Variants in NALCN observed in about 807,000 individuals in gnomAD.
The protein encoded by NALCN is sodium leak channel, non-selective.
NALCN carries 111 observed loss-of-function variants against 225.3 expected under a neutral mutation model. The ratio of observed to expected loss-of-function variants is 0.49; its 90% CI spans 0.42 to 0.58. The LOEUF is 0.58. Among genes scored for constraint, NALCN ranks in the 20% least tolerant of loss-of-function variants. The pLI is 0.00. For missense variants in NALCN, 1,378 were observed against 2,202.4 expected, an observed-to-expected ratio of 0.63 and a Z score of 7.49; for synonymous variants, 764 against 769.0, an observed-to-expected ratio of 0.99 and a Z score of 0.11.
In NALCN at chr13:101,157,221, C is replaced by T. The variant is rs992272665; in HGVS notation, c.1840-12325G>A. Among the ~76,000 whole-genome samples, 4 of 152,198 alleles carry T rather than the reference C, an allele frequency of 2.6e-5. No individual in the cohort carries two copies. In the South Asian group the frequency reaches 6.2e-4, roughly 24 times the overall value. On this transcript the variant is annotated intron_variant, in intron 15 of 43. Coordinates refer to ENST00000251127, the MANE Select transcript of NALCN (RefSeq NM_052867.4). The stretch of plus-strand genomic sequence containing the variant: ...CTAGCTAAATACATGTATGTGTGTA[C>T]TTGAGTTAGTACACATACATGTATT...
chr13:101,106,780 T>G (rs528674520), intron 22 of NALCN, among the ~76,000 whole-genome samples: 47 of 152,230 alleles, frequency 3.1e-4, no homozygotes, highest in Non-Finnish European at 5.6e-4. Flanking sequence ...CCCCAGCCAC[T>G]TGGAACTGTG....
chr13:101,329,436 T>C (rs1400164402), intron 7 of NALCN, among the ~76,000 whole-genome samples: 1 of 152,168 alleles, frequency 6.6e-6, no homozygotes, highest in Non-Finnish European at 1.5e-5. Flanking sequence ...TGATTTGCAG[T>C]CTTGTCTCAT....
chr13:101,405,526 G>T (rs969479257), intron 1 of NALCN, among the ~76,000 whole-genome samples: 1 of 151,876 alleles, frequency 6.6e-6, no homozygotes, highest in African/African-American at 2.4e-5. Context: ...TGTGCATCTT[G>T]AGTGTATGAA....
At position 101,215,705 on chromosome 13, in the gene NALCN, T is replaced by A. The variant is rs192518662; in HGVS notation, c.1626+13688A>T. ...ACTTTTTTTTTCCTATTTATTAATT[T>A]ATTTATTAATTTATTATACTTTAAG... On this transcript the variant is annotated intron_variant, in intron 13 of 43. Transcript: ENST00000251127. Among the ~76,000 whole-genome samples, 296 of 151,294 alleles carry A rather than the reference T, an allele frequency of 2.0e-3. 2 individuals are homozygous for A. Among genetic ancestry groups the A allele is most frequent in the African/African-American group, 6.7e-3 (273 of 40,946 alleles).
intron 15 of NALCN, among the ~76,000 whole-genome samples, chr13:101,156,984 C>A (rs2037935241): frequency 6.6e-6 from 1 of 152,044 alleles, no homozygotes; most frequent in African/African-American, 2.4e-5. Context: ...TTATTAGATA[C>A]ACTATGAAAA....
At chr13:101,201,798 T>A (rs2040133918) in intron 13 of NALCN, among the ~76,000 whole-genome samples, 1 of 152,186 alleles carries the variant, frequency 6.6e-6, no homozygotes, top group African/African-American at 2.4e-5. Context: ...ATAACTTGTA[T>A]CAACTTTTTA....
chr13:101,138,590 C>T (rs888480802), intron 17 of NALCN, among the ~76,000 whole-genome samples: 2 of 152,204 alleles, frequency 1.3e-5, no homozygotes, highest in Non-Finnish European at 2.9e-5. Context: ...TCATGCTTCC[C>T]AGGCTATTGC....
At chr13:101,383,323 T>C (rs1459137940) in intron 3 of NALCN, among the ~76,000 whole-genome samples, 4 of 152,178 alleles carry the variant, frequency 2.6e-5, no homozygotes, top group Non-Finnish European at 5.9e-5. Flanking sequence ...TTATATTTGG[T>C]CTCTCCAACT....
rs138497652 is a variant in NALCN at position 101,187,743 on chromosome 13, T to C, written c.1764+4174A>G. ...AAACAATGTGACGTCTAAGTGAGAG[T>C]GTAAGAACACAGGAATTCTCAACTA... On this transcript the variant is annotated intron_variant, in intron 14 of 43. Coordinates refer to ENST00000251127, the MANE Select transcript of NALCN (RefSeq NM_052867.4). 7.3e-3 allele frequency among the ~76,000 whole-genome samples: 1,109 copies of C among 152,124 alleles called. 10 individuals are homozygous for C. The highest frequency in any genetic ancestry group is 0.029 in the South Asian group (142 of 4,820).
chr13:101,396,669 A>G (rs2047302273), intron 2 of NALCN, among the ~76,000 whole-genome samples: 1 of 152,170 alleles, frequency 6.6e-6, no homozygotes, highest in African/African-American at 2.4e-5. Flanking sequence ...GCAATTTGGA[A>G]GCACTTCAAT....
chr13:101,159,280 G>C (rs1386389257), intron 15 of NALCN, among the ~76,000 whole-genome samples: 1 of 152,182 alleles, frequency 6.6e-6, no homozygotes, highest in African/African-American at 2.4e-5. Flanking sequence ...AAAATTGTAT[G>C]TATTGACAAA....
intron 13 of NALCN, among the ~76,000 whole-genome samples, chr13:101,196,523 G>T (rs1594412863): frequency 6.6e-6 from 1 of 151,858 alleles, no homozygotes; most frequent in East Asian, 1.9e-4. Flanking sequence ...CTAATACAGG[G>T]GCAGAGAATT....
intron 30 of NALCN, among the ~76,000 whole-genome samples, chr13:101,086,599 G>A (rs2033944513): frequency 6.6e-6 from 1 of 151,864 alleles, no homozygotes; most frequent in African/African-American, 2.4e-5. Context: ...TTCTCAAATT[G>A]TTGTAATTAG....
chr13:101,065,612 C>T (rs780965243), intron 39 of NALCN, 51 bp from the exon 40 acceptor site: 1 of 1,567,148 alleles, frequency 6.4e-7, no homozygotes, highest in East Asian at 2.3e-5. Context: ...CGATGATTCA[C>T]TTGGGTTTCT....
Position 101,376,612 on chromosome 13 carries a change from A to C in NALCN, c.644+88T>G. ...AAGAGGACATAAGCACTGTTTAAAA[A>C]ATCTGACATAGAGGTTATTCTTATG... On this transcript the variant is annotated intron_variant, in intron 6 of 43. Coordinates refer to ENST00000251127, the MANE Select transcript of NALCN (RefSeq NM_052867.4). 5 of 1,419,304 alleles carry C rather than the reference A, an allele frequency of 3.5e-6. No individual in the cohort carries two copies. The South Asian group carries it at 7.2e-5, about 20-fold the overall frequency. 87.9% of individuals were successfully genotyped at this position (1,419,304 alleles called of 1,614,324 possible).
intron 31 of NALCN, among the ~76,000 whole-genome samples, 189 bp from the exon 32 acceptor site, chr13:101,083,387 C>G (rs2033764369): frequency 1.3e-5 from 2 of 152,130 alleles, no homozygotes; most frequent in African/African-American, 2.4e-5. Flanking sequence ...ATGATGCCGT[C>G]TATATTGGAA....
chr13:101,400,973 A>T (rs2047461245), intron 1 of NALCN, among the ~76,000 whole-genome samples: 1 of 152,124 alleles, frequency 6.6e-6, no homozygotes, highest in South Asian at 2.1e-4. Context: ...GGTGTCTTCG[A>T]CCATGATTGT....
At chr13:101,229,833 AT>A (rs1163072167) in intron 12 of NALCN, among the ~76,000 whole-genome samples, 1 of 152,200 alleles carries the variant, frequency 6.6e-6, no homozygotes, top group Admixed American at 6.5e-5. Context: ...ACTAGTACGT[AT>A]TGTTGAAATA....
chr13:101,176,504 G>T, intron 14 of NALCN, 130 bp from the exon 15 acceptor site: 7 of 477,342 alleles, frequency 1.5e-5, no homozygotes, highest in Non-Finnish European at 2.4e-5. Context: ...ATGCAGTGAT[G>T]AATCATTGCA....
Sources: gnomAD v4.1 joint callset for allele counts (sites outside exome capture counted in the v4.1 genomes callset) on GRCh38, gnomAD v4.1.1 for gene constraint, MANE v1.5 for transcripts, NCBI Gene and HGNC (gene_info 2026-07-23, HGNC 2026-07-21) for gene names.